The following PUM1 variants were observed in gnomAD, a reference collection of about 807,000 sequenced individuals.
PUM1 encodes the protein pumilio homolog 1.
PUM1 carries 13 observed loss-of-function variants against 131.8 expected under a neutral mutation model. The ratio of observed to expected loss-of-function variants is 0.10; its 90% CI spans 0.06 to 0.16. The LOEUF (loss-of-function observed/expected upper bound fraction) is 0.16. Among genes scored for constraint, PUM1 ranks in the 10% least tolerant of loss-of-function variants. The probability of loss-of-function intolerance (pLI) is 1.00; values close to 1 mark genes in which losing one functional copy is unlikely to be tolerated. For synonymous variants in PUM1, 509 were observed against 556.5 expected, an observed-to-expected ratio of 0.91 and a Z score of 1.20; for missense variants, 961 against 1,512.4, an observed-to-expected ratio of 0.64 and a Z score of 6.05.
At chr1:31,055,502 G>A (rs374655006) in intron 2 of PUM1, 134 of 409,088 alleles carry the variant, frequency 3.3e-4, no homozygotes, top group South Asian at 2.3e-3. Flanking sequence ...CCTGTGGGTG[G>A]TCCACAACTG....
chr1:30,969,557 C>T (rs1012018267), intron 10 of PUM1, among the ~76,000 whole-genome samples: 2 of 152,236 alleles, frequency 1.3e-5, no homozygotes, highest in Admixed American at 1.3e-4. Flanking sequence ...ATTTCTATTT[C>T]CCTCTCAGAA....
At chr1:31,042,335 TA>T (rs371461143) in intron 2 of PUM1, among the ~76,000 whole-genome samples, 17 of 117,758 alleles carry the variant, frequency 1.4e-4, no homozygotes, top group Admixed American at 3.2e-4. Flanking sequence ...AATAAATAAA[TA>T]AAATAAAATA....
intron 2 of PUM1, among the ~76,000 whole-genome samples, chr1:31,032,390 G>A (rs572063276): frequency 8.6e-4 from 131 of 152,266 alleles, no homozygotes; most frequent in Non-Finnish European, 1.4e-3. Context: ...AAGGAGAAAA[G>A]CTAGCTGTCA....
intron 5 of PUM1, among the ~76,000 whole-genome samples, chr1:30,997,495 CTTTTT>C (rs9286937): frequency 2.5e-3 from 327 of 129,806 alleles, no homozygotes; most frequent in African/African-American, 6.1e-3. Context: ...TGAAACTCGT[CTTTTT>C]TTTTTTTTTT....
intron 14 of PUM1, among the ~76,000 whole-genome samples, chr1:30,963,180 A>G (rs1251427601): frequency 1.3e-5 from 2 of 152,198 alleles, no homozygotes; most frequent in African/African-American, 4.8e-5. Context: ...AACCATTAAC[A>G]CCAGCAGGTA....
chr1:30,966,207 G>A lies in PUM1; in HGVS notation c.1861C>T (p.Arg621Cys). The A allele has an allele frequency of 4.3e-6, 7 of 1,613,996 alleles. No homozygotes were observed. The highest frequency in any genetic ancestry group is 5.1e-6 in the Non-Finnish European group (6 of 1,179,944). Reference protein sequence around the residue: ...GLAGTTNGPFRPLGTQQPQPQ... With the variant: ...GLAGTTNGPFCPLGTQQPQPQ... ...TGAGGCTGCTGTGTTCCTAAAGGGC[G>A]AAATGGTCCATTTGTTGTTCCAGCA... Residue 621 changes from arginine to cysteine, a missense_variant, in exon 13 of 22, where the codon CGC (arginine) becomes TGC (cysteine). By Grantham distance (180) the Arg-to-Cys change is radical (BLOSUM62 -3). Transcript: ENST00000426105.
intron 3 of PUM1, among the ~76,000 whole-genome samples, chr1:31,022,171 C>A (rs1245661173): frequency 7.4e-6 from 1 of 134,408 alleles, no homozygotes; most frequent in East Asian, 2.7e-4. Flanking sequence ...TTCTGCTCAT[C>A]TAAAAAAAAA....
intron 14 of PUM1, among the ~76,000 whole-genome samples, chr1:30,955,213 T>C (rs1640105169): frequency 6.7e-6 from 1 of 150,044 alleles, no homozygotes; most frequent in South Asian, 2.1e-4. Context: ...CCTGACACTT[T>C]GGGAGGCTGA....
intron 3 of PUM1, among the ~76,000 whole-genome samples, chr1:31,026,205 G>A (rs1056427998): frequency 1.1e-4 from 16 of 151,390 alleles, no homozygotes; most frequent in African/African-American, 3.9e-4. Flanking sequence ...ACAGTGAGCC[G>A]AGATTGTGCC....
chr1:31,005,764 CA>C, intron 5 of PUM1, 88 bp downstream of exon 5: 2 of 1,271,876 alleles, frequency 1.6e-6, no homozygotes, highest in Non-Finnish European at 2.2e-6. Context: ...GGAAACTAAA[CA>C]GGCATGTTTT....
chr1:31,026,027 C>T lies in PUM1; in HGVS notation c.432+2769G>A, dbSNP rs376023722. Among the ~76,000 whole-genome samples, 22 of 152,114 alleles carry T rather than the reference C, an allele frequency of 1.4e-4. No homozygotes were observed. In the South Asian group the frequency reaches 2.3e-3, roughly 16 times the overall value. ...TAGCACTTTGGGAGGCCAAGGCAGG[C>T]GACTGCCTGAGCTCAGAAGTTCAAG... On this transcript the variant is annotated intron_variant, in intron 3 of 21. Coordinates refer to ENST00000426105, the MANE Select transcript of PUM1 (RefSeq NM_001020658.2).
intron 3 of PUM1, among the ~76,000 whole-genome samples, chr1:31,013,445 TAAGA>T: frequency 6.6e-6 from 1 of 152,330 alleles, no homozygotes; most frequent in African/African-American, 2.4e-5. Flanking sequence ...TTGAGCATCT[TAAGA>T]AATACTACTA....
chr1:31,056,477 T>G (rs896776020), intron 2 of PUM1, among the ~76,000 whole-genome samples: 2 of 151,826 alleles, frequency 1.3e-5, no homozygotes, highest in Admixed American at 1.3e-4. Context: ...GAGACGGGGT[T>G]TCACCATGTT....
At chr1:31,051,334 G>T (rs564570537) in intron 2 of PUM1, among the ~76,000 whole-genome samples, 76 of 145,056 alleles carry the variant, frequency 5.2e-4, no homozygotes, top group Middle Eastern at 3.8e-3. Flanking sequence ...ACGGCATTTC[G>T]CTCTTGTTGC....
intron 5 of PUM1, among the ~76,000 whole-genome samples, chr1:30,997,257 T>C (rs1642013549): frequency 1.3e-5 from 2 of 152,160 alleles, no homozygotes. Flanking sequence ...CTCACACCTA[T>C]AATCCCAGCA....
Position 31,052,255 on chromosome 1 carries a change from G to A in PUM1, c.363+6949C>T, listed in dbSNP as rs113747787. 8.7e-3 allele frequency among the ~76,000 whole-genome samples: 1,329 copies of A among 152,060 alleles called. 24 individuals carry two copies. Among genetic ancestry groups the A allele is most frequent in the African/African-American group, 0.03 (1,255 of 41,490 alleles). ...TCTCGATCTCCTGATCTCGTGATCC[G>A]CCTGCCTCGGCCTCCCAAAGTGCTG... On this transcript the variant is annotated intron_variant, in intron 2 of 21. Coordinates refer to ENST00000426105, the MANE Select transcript of PUM1 (RefSeq NM_001020658.2).
At chr1:30,935,654 G>A (rs760478999) in intron 21 of PUM1, 10 of 436,100 alleles carry the variant, frequency 2.3e-5, no homozygotes, top group Admixed American at 2.5e-5. Flanking sequence ...GGTTTGGATT[G>A]GTTTAGCTTG....
At chr1:31,034,548 A>G (rs1159473682) in intron 2 of PUM1, among the ~76,000 whole-genome samples, 2 of 152,150 alleles carry the variant, frequency 1.3e-5, no homozygotes, top group Non-Finnish European at 2.9e-5. Flanking sequence ...CAACATAGAG[A>G]AAAGAAATGT....
intron 3 of PUM1, among the ~76,000 whole-genome samples, chr1:31,010,112 T>C (rs1189130164): frequency 7.4e-6 from 1 of 135,654 alleles, no homozygotes; most frequent in Non-Finnish European, 1.5e-5. Flanking sequence ...TTTTTGCCAC[T>C]ATGGCAAAAA....
Sources: allele counts gnomAD v4.1 joint callset (sites outside exome capture counted in the v4.1 genomes callset), GRCh38; gene constraint gnomAD v4.1.1; transcripts MANE v1.5; gene names NCBI Gene and HGNC (gene_info 2026-07-23, HGNC 2026-07-21).